The following TBL1XR1 variants were observed in gnomAD, a reference collection of about 807,000 sequenced individuals.
The protein encoded by TBL1XR1 is F-box-like/WD repeat-containing protein TBL1XR1.
TBL1XR1 carries 5 observed loss-of-function variants against 66.9 expected under a neutral mutation model. That is an observed-to-expected ratio of 0.07 (90% CI 0.04 to 0.16). The LOEUF is 0.16. Ranked by LOEUF, TBL1XR1 falls within the 10% of genes least tolerant of loss-of-function variation. The pLI is 1.00. For synonymous variants in TBL1XR1, 210 were observed against 206.0 expected, an observed-to-expected ratio of 1.02 and a Z score of -0.17; for missense variants, 238 against 623.2, an observed-to-expected ratio of 0.38 and a Z score of 6.58.
chr3:177,034,080 T>C, intron 13 of TBL1XR1, 118 bp downstream of exon 13: 2 of 1,073,426 alleles, frequency 1.9e-6, no homozygotes, highest in South Asian at 1.5e-5. Context: ...CTACTGAAAT[T>C]GGAAAAAAAA....
At chr3:177,056,936 A>T (rs1236796086) in intron 3 of TBL1XR1, among the ~76,000 whole-genome samples, 2 of 152,176 alleles carry the variant, frequency 1.3e-5, no homozygotes, top group East Asian at 3.8e-4. Flanking sequence ...ATATATGCCA[A>T]GCTACAGCTA....
intron 14 of TBL1XR1, among the ~76,000 whole-genome samples, chr3:177,029,642 C>CA (rs1713657027): frequency 6.6e-6 from 1 of 151,816 alleles, no homozygotes; most frequent in Non-Finnish European, 1.5e-5. Context: ...AAACAACAAC[C>CA]AAAAAACCCC....
At chr3:177,132,006 C>G (rs1358608084) in intron 1 of TBL1XR1, among the ~76,000 whole-genome samples, 4 of 151,806 alleles carry the variant, frequency 2.6e-5, no homozygotes, top group Non-Finnish European at 5.9e-5. Flanking sequence ...GAGGTAATGG[C>G]ATGGCACTGA....
At chr3:177,197,505 C>A, upstream of TBL1XR1, 1 of 149,200 alleles carries the variant, frequency 6.7e-6, no homozygotes, top group Non-Finnish European at 1.5e-5. Flanking sequence ...GGCTCAGACA[C>A]TCAACACTGG....
chr3:177,125,889 C>G (rs564709122), intron 1 of TBL1XR1: 2 of 152,246 alleles, frequency 1.3e-5, no homozygotes, highest in African/African-American at 4.8e-5. Flanking sequence ...GGCTATTAAT[C>G]ATTATTAGCC....
At chr3:177,083,892 A>G (rs1477934326) in intron 2 of TBL1XR1, among the ~76,000 whole-genome samples, 3 of 152,082 alleles carry the variant, frequency 2.0e-5, no homozygotes, top group African/African-American at 4.8e-5. Context: ...GTTCGAGATC[A>G]GCCTGGCCAA....
intron 3 of TBL1XR1, among the ~76,000 whole-genome samples, chr3:177,055,239 A>T (rs1049059663): frequency 6.6e-6 from 1 of 152,054 alleles, no homozygotes; most frequent in Non-Finnish European, 1.5e-5. Flanking sequence ...TGGTACTTAT[A>T]AACAGTCTAG....
At chr3:177,200,530 A>G (rs569756429), upstream of TBL1XR1, among the ~76,000 whole-genome samples, 1 of 152,208 alleles carries the variant, frequency 6.6e-6, no homozygotes, top group Non-Finnish European at 1.5e-5. Context: ...TCAGGGCTGC[A>G]CCAAAATACA....
At chr3:177,187,896 A>T (rs1214025457) in intron 1 of TBL1XR1, among the ~76,000 whole-genome samples, 1 of 147,624 alleles carries the variant, frequency 6.8e-6, no homozygotes, top group African/African-American at 2.5e-5. Context: ...ATTTTTAAAC[A>T]TTTAAAAAGA....
intron 1 of TBL1XR1, among the ~76,000 whole-genome samples, chr3:177,156,512 T>TATAC (rs1284704995): frequency 1.4e-5 from 1 of 71,676 alleles, no homozygotes; most frequent in African/African-American, 4.0e-5. Context: ...AAATTATATA[T>TATAC]ATACATACAC....
At chr3:177,043,297 C>A (rs756649833) in intron 10 of TBL1XR1, among the ~76,000 whole-genome samples, 2 of 152,124 alleles carry the variant, frequency 1.3e-5, no homozygotes, top group Non-Finnish European at 2.9e-5. Flanking sequence ...ATTTCTATTT[C>A]CTTTGAAGTT....
intron 7 of TBL1XR1, chr3:177,048,042 T>C (rs1716556981): frequency 6.5e-6 from 1 of 152,906 alleles, no homozygotes; most frequent in Non-Finnish European, 1.5e-5. Flanking sequence ...TTTCGAATGA[T>C]CAGATTCTTA....
chr3:177,136,442 G>A (rs1729008538), intron 1 of TBL1XR1, among the ~76,000 whole-genome samples: 1 of 152,096 alleles, frequency 6.6e-6, no homozygotes, highest in Non-Finnish European at 1.5e-5. Flanking sequence ...ACTACACCCA[G>A]CTAATTTCTG....
intron 1 of TBL1XR1, among the ~76,000 whole-genome samples, chr3:177,153,933 G>A (rs1731198133): frequency 6.9e-6 from 1 of 144,622 alleles, no homozygotes; most frequent in Non-Finnish European, 1.5e-5. Flanking sequence ...AGCCACTAAA[G>A]AGGTATGGCT....
chr3:177,056,762 G>C (rs960922667), intron 3 of TBL1XR1, among the ~76,000 whole-genome samples: 1 of 3,628 alleles, frequency 2.8e-4, no homozygotes, highest in Non-Finnish European at 4.9e-4. Context: ...CTTCTCTCTC[G>C]GTCCCTTGGC....
At chr3:177,056,897 C>T (rs1241628655) in intron 3 of TBL1XR1, among the ~76,000 whole-genome samples, 1 of 152,028 alleles carries the variant, frequency 6.6e-6, no homozygotes, top group Non-Finnish European at 1.5e-5. Flanking sequence ...TTGCTATACA[C>T]ATTTCTTTCC....
rs897694053 is a variant in TBL1XR1 at position 177,023,142 on chromosome 3, T to G, written c.*2356A>C. On this transcript the variant is annotated 3_prime_UTR_variant, in exon 16 of 16. Transcript: ENST00000457928. Reference sequence around the variant, plus strand: ...AGCTGGGAAAAAGTCAATAACTGTATGCAAATGAATAAACTGTCCATATCA... The same window carrying G: ...AGCTGGGAAAAAGTCAATAACTGTAGGCAAATGAATAAACTGTCCATATCA... 1.3e-5 allele frequency: 2 copies of G among 152,472 alleles called. No individual in the cohort carries two copies. The highest frequency in any genetic ancestry group is 2.9e-5 in the Non-Finnish European group (2 of 67,932). The allele number at this position is 152,472 out of a possible 1,614,324, so 9.4% of individuals were successfully genotyped here.
At chr3:177,156,079 G>A (rs1409631165) in intron 1 of TBL1XR1, among the ~76,000 whole-genome samples, 1 of 127,904 alleles carries the variant, frequency 7.8e-6, no homozygotes, top group African/African-American at 3.0e-5. Context: ...AGAAATACAG[G>A]ATAAACTTTC....
chr3:177,135,301 CG>C (rs1728804083), intron 1 of TBL1XR1, among the ~76,000 whole-genome samples: 3 of 60,572 alleles, frequency 5.0e-5, no homozygotes, highest in Non-Finnish European at 6.9e-5. Context: ...CGCACAAGGC[CG>C]CACTCTGTGT....
Sources: allele counts gnomAD v4.1 joint callset (sites outside exome capture counted in the v4.1 genomes callset), GRCh38; gene constraint gnomAD v4.1.1; transcripts MANE v1.5; gene names NCBI Gene and HGNC (gene_info 2026-07-23, HGNC 2026-07-21).